Variants in OTOF observed in about 807,000 individuals in gnomAD.
OTOF encodes the protein otoferlin, also known as fer-1-like family member 2.
In OTOF, 218 loss-of-function variants were observed where a neutral mutation model predicts 236.8. The observed-to-expected ratio is 0.92, with a 90% confidence interval of 0.82 to 1.03. The LOEUF (loss-of-function observed/expected upper bound fraction) is 1.03. OTOF is among the 50% of genes least tolerant of loss of function. The pLI, the probability that OTOF is intolerant of heterozygous loss-of-function variation, is 0.00. For missense variants in OTOF, 2,590 were observed against 2,694.4 expected (o/e 0.96, Z 0.86); for synonymous variants, 1,041 against 1,072.5 (o/e 0.97, Z 0.57).
rs748986644 is a variant in OTOF, at chr2:26,467,170, A to G, written c.4291T>C (p.Leu1431=). 18 of 1,613,926 alleles carry G rather than the reference A, an allele frequency of 1.1e-5. No homozygotes were observed. The highest frequency in any genetic ancestry group is 1.4e-5 in the Non-Finnish European group (16 of 1,180,004). Residue 1431 remains leucine, a synonymous_variant, in exon 35 of 47, where the codon TTG becomes CTG. Transcript: ENST00000272371. ...NFEDWLHTFN[L]LRGKTGDDED... ...TCATCCCCGGTCTTGCCCCGAAGCA[A>G]GTTGAAAGTGTGCAGCCAGTCCTCA...
chr2:26,484,453 G>T (rs781682230), intron 12 of OTOF, 21 bp downstream of exon 12: 3 of 1,613,562 alleles, frequency 1.9e-6, no homozygotes, highest in Non-Finnish European at 2.5e-6. Flanking sequence ...GACTCCAGGG[G>T]CTGGGGTAGC....
chr2:26,544,732 C>CCCTTA (rs1667288980), intron 1 of OTOF, among the ~76,000 whole-genome samples: 1 of 152,012 alleles, frequency 6.6e-6, no homozygotes, highest in Non-Finnish European at 1.5e-5. Context: ...AGGATAGGTA[C>CCCTTA]CCTTAGCTTT....
intron 26 of OTOF, 60 bp from the exon 27 acceptor site, chr2:26,474,170 C>T: frequency 1.2e-6 from 2 of 1,608,144 alleles, no homozygotes; most frequent in Non-Finnish European, 1.7e-6. Context: ...TCTCTTTCCC[C>T]ATGAGTTGTT....
At chr2:26,515,517 C>T (rs1438682993) in intron 5 of OTOF, among the ~76,000 whole-genome samples, 1 of 152,198 alleles carries the variant, frequency 6.6e-6, no homozygotes, top group Non-Finnish European at 1.5e-5. Context: ...ATATTTGTCC[C>T]ATAAAAGTAT....
In OTOF at chr2:26,558,700, C is replaced by G. The variant is rs1284959952; in HGVS notation, c.-129G>C. On this transcript the variant is annotated 5_prime_UTR_variant, in exon 1 of 47. Coordinates refer to ENST00000272371, the MANE Select transcript of OTOF (RefSeq NM_194248.3). ...TCCTCCTCCCGACCCCCCTCCGATGCTGCCCACAGAGACCAAGGCAACCAA... is the reference window on the plus strand; with the variant it reads ...TCCTCCTCCCGACCCCCCTCCGATGGTGCCCACAGAGACCAAGGCAACCAA... 23 of 786,490 alleles carry G rather than the reference C, an allele frequency of 2.9e-5. No homozygotes were observed. The highest frequency in any genetic ancestry group is 8.6e-5 in the African/African-American group (5 of 58,056). 48.7% of individuals were successfully genotyped at this position (786,490 alleles called of 1,614,324 possible). A position where few individuals can be genotyped will look rare whatever the true frequency, so the allele number is the denominator to read the frequency against.
At position 26,480,984 on chromosome 2, in the gene OTOF, G is replaced by C. The variant is rs1665525783; in HGVS notation, c.1605C>G (p.Ala535=). The C allele has an allele frequency of 1.2e-6, 2 of 1,612,918 alleles. No individual in the cohort carries two copies. The highest frequency in any genetic ancestry group is 1.7e-6 in the Non-Finnish European group (2 of 1,179,948). Reference sequence around the variant, plus strand: ...GTGTGGAGCCGTACATGTTCACCCAGGCTGGGCCCAGTGTGGGCAGGAAGC... The same window carrying C: ...GTGTGGAGCCGTACATGTTCACCCACGCTGGGCCCAGTGTGGGCAGGAAGC... ...DKGFLPTLGP[A]WVNMYGSTRN... Residue 535 remains alanine, a synonymous_variant, in exon 15 of 47, where the codon GCC becomes GCG. Transcript: ENST00000272371.
chr2:26,473,939 G>A lies in OTOF; in HGVS notation c.3408+52C>T. ...GGGATGACAAGCCACTTCCCCTCCT[G>A]GGTCCTCAGACTCCTCATCCAAAAG... On this transcript the variant is annotated intron_variant, in intron 27 of 46. Coordinates refer to ENST00000272371, the MANE Select transcript of OTOF (RefSeq NM_194248.3). The surrounding 1 kb of genome is among the most constrained non-coding windows in gnomAD (Gnocchi z 7.2). The A allele has an allele frequency of 6.2e-7, 1 of 1,610,450 alleles. No homozygotes were observed. The highest frequency in any genetic ancestry group is 1.7e-5 in the Admixed American group (1 of 59,976).
In OTOF at chr2:26,461,057, A is replaced by G. The variant is rs1161112666; in HGVS notation, c.5534-27T>C. 1 of 649,686 alleles carries G rather than the reference A, an allele frequency of 1.5e-6. No homozygotes were observed. The highest frequency in any genetic ancestry group is 1.4e-5 in the South Asian group (1 of 72,746). The allele number at this position is 649,686 out of a possible 1,614,324, so 40.2% of individuals were successfully genotyped here. On this transcript the variant is annotated intron_variant, in intron 43 of 46. Transcript: ENST00000272371. The surrounding 1 kb of genome is among the most constrained non-coding windows in gnomAD (Gnocchi z 6.2). ...TGTGGCAACCTCAGTGTCAGCTCAG[A>G]GTGAACAGGGCTGGGGTGGGGCGGG...
At chr2:26,521,566 A>G (rs1273358657) in intron 3 of OTOF, among the ~76,000 whole-genome samples, 2 of 152,184 alleles carry the variant, frequency 1.3e-5, no homozygotes, top group East Asian at 3.9e-4. Context: ...AGTCCCTGCT[A>G]GATACTCCGG....
intron 1 of OTOF, among the ~76,000 whole-genome samples, chr2:26,542,521 T>C (rs745445403): frequency 4.6e-5 from 7 of 152,124 alleles, no homozygotes; most frequent in Non-Finnish European, 7.4e-5. Flanking sequence ...ACTCTCAATG[T>C]AGTGGATTAA....
intron 9 of OTOF, among the ~76,000 whole-genome samples, chr2:26,490,869 C>T (rs1025760790): frequency 1.3e-5 from 2 of 152,134 alleles, no homozygotes; most frequent in African/African-American, 2.4e-5. Flanking sequence ...GTGTGCACCA[C>T]GGTAAGCACA....
In OTOF at chr2:26,477,070, A is replaced by C; in HGVS notation, c.2524-27T>G. On this transcript the variant is annotated intron_variant, in intron 21 of 46. Transcript: ENST00000272371. The surrounding 1 kb of genome is among the most constrained non-coding windows in gnomAD (Gnocchi z 4.7). Reference sequence around the variant, plus strand: ...TGGGGGTTGGGGGGTGGCCAGGGGCAGTGGGTAAGGGGGTCTAGCCTCCTG... The same window carrying C: ...TGGGGGTTGGGGGGTGGCCAGGGGCCGTGGGTAAGGGGGTCTAGCCTCCTG... 5 of 1,230,060 alleles carry C rather than the reference A, an allele frequency of 4.1e-6. No homozygotes were observed. The highest frequency in any genetic ancestry group is 1.5e-5 in the African/African-American group (1 of 67,428). 76.2% of individuals were successfully genotyped at this position (1,230,060 alleles called of 1,614,324 possible). A position where few individuals can be genotyped will look rare whatever the true frequency, so the allele number is the denominator to read the frequency against.
intron 5 of OTOF, among the ~76,000 whole-genome samples, chr2:26,509,057 C>T (rs142778312): frequency 1.3e-5 from 2 of 152,304 alleles, no homozygotes; most frequent in Non-Finnish European, 2.9e-5. Context: ...GTACCTCTTA[C>T]TCCAACTGTA....
rs1443891152 is a variant in OTOF at position 26,470,067 on chromosome 2, T to C, written c.4023+526A>G. Among the ~76,000 whole-genome samples, 1 of 152,254 alleles carries C rather than the reference T, an allele frequency of 6.6e-6. No homozygotes were observed. Among genetic ancestry groups the C allele is most frequent in the Admixed American group, 6.5e-5 (1 of 15,284 alleles). ...ATCATTCACGTGCCGATGACCAAGA[T>C]GTGTAAAATAAAACATTATGAAGAA... is the stretch of plus-strand genomic sequence containing the variant. On this transcript the variant is annotated intron_variant, in intron 32 of 46. Coordinates refer to ENST00000272371, the MANE Select transcript of OTOF (RefSeq NM_194248.3). The surrounding 1 kb of genome is among the most constrained non-coding windows in gnomAD (Gnocchi z 4.3).
rs551496731 is a variant in OTOF at position 26,546,489 on chromosome 2, A to G, written c.80-8715T>C. ...AAAGAAAAAAAAAAAAAATCCACAT[A>G]TAAGTGGACCCATGTTGTTCAGGGG... On this transcript the variant is annotated intron_variant, in intron 1 of 46. Coordinates refer to ENST00000272371, the MANE Select transcript of OTOF (RefSeq NM_194248.3). Among the ~76,000 whole-genome samples, 393 of 151,754 alleles carry G rather than the reference A, an allele frequency of 2.6e-3. 2 individuals carry two copies. The highest frequency in any genetic ancestry group is 9.0e-3 in the African/African-American group (373 of 41,430).
Position 26,473,237 on chromosome 2 carries a change from G to C in OTOF, c.3628C>G (p.Arg1210Gly). 1 of 1,613,376 alleles carries C rather than the reference G, an allele frequency of 6.2e-7. No homozygotes were observed. Among genetic ancestry groups the C allele is most frequent in the Non-Finnish European group, 8.5e-7 (1 of 1,179,980 alleles). Residue 1210 changes from arginine to glycine, a missense_variant, in exon 29 of 47, where the codon CGG becomes GGG. By Grantham distance (125) the Arg-to-Gly change is moderately radical (BLOSUM62 -2). Transcript: ENST00000272371. This position sits in a 1 kb window ranked among gnomAD's most constrained non-coding sequence, Gnocchi z 7.2. ...PPLNIRVVDC[R>G]AFGRYTLVGS... ...ACCAGTGTGTAGCGACCGAAGGCCC[G>C]GCAGTCCACCACACGGATGTTCAAG...
At chr2:26,538,759 C>G (rs1285136545) in intron 1 of OTOF, among the ~76,000 whole-genome samples, 1 of 151,270 alleles carries the variant, frequency 6.6e-6, no homozygotes, top group Non-Finnish European at 1.5e-5. Context: ...CCACAGGTAG[C>G]TGATGGTCTA....
intron 16 of OTOF, among the ~76,000 whole-genome samples, 170 bp from the exon 17 acceptor site, chr2:26,479,823 G>A (rs777518301): frequency 1.5e-4 from 23 of 152,368 alleles, no homozygotes; most frequent in East Asian, 7.7e-4. Flanking sequence ...TCCCCACTCC[G>A]CTGAGAGTCA....
At chr2:26,480,385 C>T in intron 15 of OTOF, 74 bp from the exon 16 acceptor site, 2 of 926,474 alleles carry the variant, frequency 2.2e-6, no homozygotes, top group Non-Finnish European at 3.5e-6. Context: ...CTCCTTCCGT[C>T]TCACAGACAG....
Sources: gnomAD v4.1 joint callset for allele counts (sites outside exome capture counted in the v4.1 genomes callset) on GRCh38, gnomAD v4.1.1 for gene constraint, Gnocchi (gnomAD v3.1) non-coding constraint, MANE v1.5 for transcripts, NCBI Gene and HGNC (gene_info 2026-07-23, HGNC 2026-07-21) for gene names.